Variants in CRYBG3 observed in about 807,000 individuals in gnomAD.
The protein encoded by CRYBG3 is very large A-kinase anchor protein.
A neutral mutation model predicts 244.2 loss-of-function variants in CRYBG3; 127 were observed. The ratio of observed to expected loss-of-function variants is 0.52; its 90% CI spans 0.45 to 0.60. The LOEUF is 0.60. Among genes scored for constraint, CRYBG3 ranks in the 20% least tolerant of loss-of-function variants. The pLI is 0.00. For missense variants in CRYBG3, 3,325 were observed against 3,442.5 expected, an observed-to-expected ratio of 0.97 and a Z score of 0.85; for synonymous variants, 1,132 against 1,195.8, an observed-to-expected ratio of 0.95 and a Z score of 1.10.
At chr3:97,888,291 A>G (rs749100337) in intron 8 of CRYBG3, 50 bp from the exon 9 acceptor site, 5 of 1,121,968 alleles carry the variant, frequency 4.5e-6, no homozygotes, top group Non-Finnish European at 6.6e-6. Context: ...TTACAGAACC[A>G]GACTAAAGCA....
chr3:97,862,511 A>G (rs2039165189), intron 2 of CRYBG3, among the ~76,000 whole-genome samples: 1 of 152,192 alleles, frequency 6.6e-6, no homozygotes, highest in Non-Finnish European at 1.5e-5. Flanking sequence ...CCTGGGGAGA[A>G]ATATTGTGGC....
Position 97,933,610 on chromosome 3 carries a change from G to A in CRYBG3, c.8242-84G>A. ...AACTCCATGCATTTAAGAATACAAT[G>A]GATTCAGGGTACCCTGTGTTCAGAC... On this transcript the variant is annotated intron_variant, in intron 17 of 21. Transcript: ENST00000389622. 6 of 1,359,688 alleles carry A rather than the reference G, an allele frequency of 4.4e-6. No homozygotes were observed. The South Asian group carries it at 7.3e-5, about 17-fold the overall frequency. The allele number at this position is 1,359,688 out of a possible 1,614,324, so 84.2% of individuals were successfully genotyped here. A position where few individuals can be genotyped will look rare whatever the true frequency, so the allele number is the denominator to read the frequency against.
chr3:97,899,272 A>G lies in CRYBG3; in HGVS notation c.7971+9A>G, dbSNP rs748912018. 2 of 1,609,810 alleles carry G rather than the reference A, an allele frequency of 1.2e-6. No homozygotes were observed. The highest frequency in any genetic ancestry group is 2.2e-5 in the East Asian group (1 of 44,828). On this transcript the variant is annotated intron_variant, in intron 14 of 21. Coordinates refer to ENST00000389622, the MANE Select transcript of CRYBG3 (RefSeq NM_153605.4). ...TACGGCCAATCCAACTGGTGAGTGA[A>G]GTATGAACATAGCCAGTGCTGCATC...
chr3:97,907,350 A>T lies in CRYBG3; in HGVS notation c.8005-4817A>T, dbSNP rs570536581. Among the ~76,000 whole-genome samples, 47 of 152,258 alleles carry T rather than the reference A, an allele frequency of 3.1e-4. No homozygotes were observed. The South Asian group carries it at 9.5e-3, about 31-fold the overall frequency. ...CAGTTCCTCCTTGTACCTCTGGTAG[A>T]ATTCGGCTGTGAATCCATCTGGTCC... is the stretch of plus-strand genomic sequence containing the variant. On this transcript the variant is annotated intron_variant, in intron 15 of 21. Transcript: ENST00000389622.
intron 14 of CRYBG3, 76 bp from the exon 15 acceptor site, chr3:97,900,377 A>C: frequency 2.0e-6 from 2 of 991,456 alleles, no homozygotes; most frequent in Non-Finnish European, 1.5e-6. Context: ...AATTTTTTTC[A>C]AAGGGTATTT....
chr3:97,829,335 A>T (rs540861461), intron 1 of CRYBG3, among the ~76,000 whole-genome samples: 1 of 152,290 alleles, frequency 6.6e-6, no homozygotes, highest in East Asian at 1.9e-4. Flanking sequence ...CTCTAATGTG[A>T]AACTGGGTGG....
intron 2 of CRYBG3, among the ~76,000 whole-genome samples, chr3:97,862,728 T>C (rs1239338926): frequency 6.6e-6 from 1 of 152,046 alleles, no homozygotes; most frequent in Non-Finnish European, 1.5e-5. Flanking sequence ...ACAACTGGAA[T>C]CAAATTGTAG....
chr3:97,913,822 C>G (rs756673228), intron 16 of CRYBG3, among the ~76,000 whole-genome samples: 18 of 152,184 alleles, frequency 1.2e-4, no homozygotes, highest in African/African-American at 1.7e-4. Context: ...TCCACCTTCT[C>G]TTTAAAAATC....
intron 8 of CRYBG3, among the ~76,000 whole-genome samples, chr3:97,887,007 A>T (rs1179687273): frequency 6.6e-6 from 1 of 152,192 alleles, no homozygotes; most frequent in South Asian, 2.1e-4. Context: ...TTTTCATCCA[A>T]CAAATTCTGT....
intron 2 of CRYBG3, among the ~76,000 whole-genome samples, chr3:97,851,217 A>G (rs1160350699): frequency 2.6e-5 from 4 of 152,300 alleles, no homozygotes; most frequent in African/African-American, 2.4e-5. Context: ...ATTTTTCTCA[A>G]AATTGTGAAT....
intron 17 of CRYBG3, among the ~76,000 whole-genome samples, chr3:97,919,283 A>C (rs963055646): frequency 2.7e-5 from 4 of 148,376 alleles, no homozygotes; most frequent in Non-Finnish European, 5.9e-5. Flanking sequence ...ATTCATTTAG[A>C]ATTCTAAAAT....
At chr3:97,913,447 T>C (rs831879) in intron 16 of CRYBG3, among the ~76,000 whole-genome samples, 110,057 of 152,178 alleles carry the variant, frequency 0.72, 41,437 homozygotes, top group East Asian at 0.85. Context: ...TGCTATTAGA[T>C]GTAGCACAAA....
At chr3:97,919,653 A>C (rs2039962632) in intron 17 of CRYBG3, among the ~76,000 whole-genome samples, 1 of 151,730 alleles carries the variant, frequency 6.6e-6, no homozygotes, top group Admixed American at 6.6e-5. Flanking sequence ...GTGGGGGCTG[A>C]AACCAAAGCC....
chr3:97,877,781 CAT>C lies in CRYBG3; in HGVS notation c.6590_6591del (p.Tyr2197CysfsTer5). On this transcript the variant is annotated frameshift_variant, in exon 4 of 22. Transcript: ENST00000389622. LOFTEE classifies it high-confidence loss of function. ...GAGAGCGTTGGAATTTCTAAGAATT[CAT>C]ATGTGATGCCAAATGAACCTACTAC... The C allele has an allele frequency of 6.2e-7, 1 of 1,614,044 alleles. No homozygotes were observed. Among genetic ancestry groups the C allele is most frequent in the Non-Finnish European group, 8.5e-7 (1 of 1,179,998 alleles).
chr3:97,940,183 A>G (rs2040211113), intron 19 of CRYBG3, among the ~76,000 whole-genome samples: 1 of 152,020 alleles, frequency 6.6e-6, no homozygotes, highest in African/African-American at 2.4e-5. Context: ...TAGGGCTGAA[A>G]TAATGGCTTC....
intron 1 of CRYBG3, among the ~76,000 whole-genome samples, chr3:97,828,879 T>G (rs1486782290): frequency 6.6e-6 from 1 of 151,166 alleles, no homozygotes; most frequent in South Asian, 2.1e-4. Context: ...AAAAAAAACT[T>G]AAGCTACAAC....
In CRYBG3 at chr3:97,888,622, T is replaced by C. The variant is rs1379197574; in HGVS notation, c.7404+167T>C. 2.0e-5 allele frequency among the ~76,000 whole-genome samples: 3 copies of C among 152,362 alleles called. No individual in the cohort carries two copies. The East Asian group carries it at 5.8e-4, about 29-fold the overall frequency. On this transcript the variant is annotated intron_variant, in intron 9 of 21. Transcript: ENST00000389622. ...TTCAGTATTTACAGTATTTCTTTTTTGTTACAAACATTTACTTGAGTGGCA... is the reference window on the plus strand; with the variant it reads ...TTCAGTATTTACAGTATTTCTTTTTCGTTACAAACATTTACTTGAGTGGCA...
intron 3 of CRYBG3, among the ~76,000 whole-genome samples, chr3:97,868,960 T>C (rs1042447201): frequency 1.1e-4 from 17 of 152,140 alleles, no homozygotes; most frequent in African/African-American, 4.1e-4. Flanking sequence ...AAAAGAAACA[T>C]TGTAGCCTGT....
chr3:97,872,269 G>A lies in CRYBG3; in HGVS notation c.1075G>A (p.Glu359Lys), dbSNP rs1223872669. Residue 359 changes from glutamate to lysine, a missense_variant, in exon 4 of 22, where the codon GAA becomes AAA. Transcript: ENST00000389622. ...TGTGACTAACTCCAGCTACGATGGA[G>A]AATCTGACTCACAGCACCATTTAAG... is the stretch of plus-strand genomic sequence containing the variant. Reference protein sequence around the residue: ...SSVTNSSYDGESDSQHHLSCE... With the variant: ...SSVTNSSYDGKSDSQHHLSCE... 6.5e-7 allele frequency: 1 copy of A among 1,535,940 alleles called. No homozygotes were observed.
Sources: allele counts gnomAD v4.1 joint callset (sites outside exome capture counted in the v4.1 genomes callset), GRCh38; gene constraint gnomAD v4.1.1; transcripts MANE v1.5; gene names NCBI Gene and HGNC (gene_info 2026-07-23, HGNC 2026-07-21).